RRM1: variants seen among roughly 807,000 people sequenced by gnomAD.
The protein encoded by RRM1 is ribonucleotide reductase catalytic subunit M1.
A neutral mutation model predicts 101.5 loss-of-function variants in RRM1; 19 were observed. That is an observed-to-expected ratio of 0.19 (90% CI 0.13 to 0.27). RRM1 has a LOEUF of 0.27. Ranked by LOEUF, RRM1 falls within the 10% of genes least tolerant of loss-of-function variation. RRM1 has a pLI of 1.00. For synonymous variants in RRM1, 298 were observed against 323.4 expected (o/e 0.92, Z 0.84); for missense variants, 500 against 962.9 (o/e 0.52, Z 6.36).
At chr11:4,099,942 T>TC (rs1465332979) in intron 1 of RRM1, among the ~76,000 whole-genome samples, 2 of 115,316 alleles carry the variant, frequency 1.7e-5, no homozygotes, top group Admixed American at 8.9e-5. Flanking sequence ...CTAAGTTGCT[T>TC]TCCCCCCCCA....
chr11:4,134,126 G>T (rs2094605236), intron 17 of RRM1, among the ~76,000 whole-genome samples: 1 of 151,724 alleles, frequency 6.6e-6, no homozygotes, highest in African/African-American at 2.4e-5. Context: ...GGGATTACAG[G>T]TGCCTGCCAC....
chr11:4,130,086 A>ATATATATATATATATCT (rs1202870487), intron 15 of RRM1, among the ~76,000 whole-genome samples: 1 of 99,484 alleles, frequency 1.0e-5, no homozygotes, highest in African/African-American at 5.4e-5. Context: ...ATATATATAT[A>ATATATATATATATATCT]TTTTTTTTTT....
At chr11:4,135,296 T>TA in intron 18 of RRM1, 26 bp downstream of exon 18, 2 of 1,511,390 alleles carry the variant, frequency 1.3e-6, no homozygotes, top group Non-Finnish European at 1.8e-6. Context: ...CAAGGAGTAC[T>TA]TAATTGCCAG....
At chr11:4,133,707 G>T in intron 17 of RRM1, 49 bp downstream of exon 17, 1 of 1,042,418 alleles carries the variant, frequency 9.6e-7, no homozygotes, top group Non-Finnish European at 1.5e-6. Flanking sequence ...GTTGGACATT[G>T]TGGTACCTCC....
chr11:4,108,596 T>TAAA (rs1341421462), intron 4 of RRM1, among the ~76,000 whole-genome samples: 1 of 23,420 alleles, frequency 4.3e-5, no homozygotes, highest in African/African-American at 1.1e-4. Context: ...AGACTCAGTC[T>TAAA]CAAAAAAAAA....
intron 1 of RRM1, among the ~76,000 whole-genome samples, chr11:4,099,865 CT>C (rs59536861): frequency 0.1 from 14,733 of 146,406 alleles, 1,192 homozygotes; most frequent in African/African-American, 0.23. Context: ...TACCAATGCA[CT>C]TTTTTTTTTT....
chr11:4,122,718 C>G (rs909068032), intron 11 of RRM1, among the ~76,000 whole-genome samples: 23 of 152,042 alleles, frequency 1.5e-4, no homozygotes, highest in Middle Eastern at 3.4e-3. Context: ...AGTAAAAATA[C>G]AAAAATTAGC....
At chr11:4,117,811 G>T (rs765530089) in intron 7 of RRM1, among the ~76,000 whole-genome samples, 3 of 152,200 alleles carry the variant, frequency 2.0e-5, no homozygotes, top group Non-Finnish European at 2.9e-5. Context: ...TAAGGTTCCT[G>T]AGGTGGGGAG....
At chr11:4,130,074 ATATATATATATATTTTT>A (rs1436577491) in intron 15 of RRM1, among the ~76,000 whole-genome samples, 16 of 93,598 alleles carry the variant, frequency 1.7e-4, no homozygotes, top group Non-Finnish European at 7.8e-5. Flanking sequence ...ATTTATATAT[ATATATATATATATTTTT>A]TTTTTTTTTT....
intron 2 of RRM1, among the ~76,000 whole-genome samples, chr11:4,104,343 TA>T (rs2094555680): frequency 6.6e-6 from 1 of 152,368 alleles, no homozygotes; most frequent in South Asian, 2.1e-4. Context: ...TTAAAATAGT[TA>T]CACACGTATG....
At chr11:4,111,746 T>A (rs1430760096) in intron 6 of RRM1, 106 bp downstream of exon 6, 1 of 1,253,454 alleles carries the variant, frequency 8.0e-7, no homozygotes, top group Non-Finnish European at 1.1e-6. Flanking sequence ...AGATAACATT[T>A]TGGACTTTAG....
intron 8 of RRM1, 32 bp downstream of exon 8, chr11:4,118,493 G>A (rs1399487906): frequency 6.2e-7 from 1 of 1,612,514 alleles, no homozygotes; most frequent in Non-Finnish European, 8.5e-7. Flanking sequence ...TTTAAAGGGG[G>A]ATTCAAGTCT....
chr11:4,136,547 T>C (rs570426406), intron 18 of RRM1, among the ~76,000 whole-genome samples: 1 of 151,906 alleles, frequency 6.6e-6, no homozygotes, highest in South Asian at 2.1e-4. Flanking sequence ...TATTTTAATA[T>C]TATTGTTTTA....
chr11:4,126,343 C>T (rs1007253335), intron 12 of RRM1, among the ~76,000 whole-genome samples: 2 of 152,152 alleles, frequency 1.3e-5, no homozygotes, highest in Non-Finnish European at 2.9e-5. Flanking sequence ...TATTGCAGGG[C>T]ACTCATCTAC....
Position 4,106,074 on chromosome 11 carries a change from G to A in RRM1, c.137G>A (p.Gly46Asp), listed in dbSNP as rs919387084. ...PAQITMKVIQ[G>D]LYSGVTTVEL... ...CAGATCACCATGAAAGTAATCCAAG[G>A]CTTGTACAGTGGGGTCACCACAGTG... is the stretch of plus-strand genomic sequence containing the variant. Residue 46 changes from glycine to aspartate, a missense_variant, in exon 3 of 19, where the codon GGC becomes GAC. By Grantham distance (94) the Gly-to-Asp change is moderately conservative (BLOSUM62 -1). This residue lies in a region of RRM1 where 44 missense variants were observed against 119.4 expected (regional missense o/e 0.37). Transcript: ENST00000300738. 1 of 1,613,406 alleles carries A rather than the reference G, an allele frequency of 6.2e-7. No homozygotes were observed. Among genetic ancestry groups the A allele is most frequent in the African/African-American group, 1.3e-5 (1 of 74,830 alleles).
At chr11:4,098,156 CAT>C (rs753148045) in intron 1 of RRM1, among the ~76,000 whole-genome samples, 237 of 152,326 alleles carry the variant, frequency 1.6e-3, no homozygotes, top group Non-Finnish European at 2.6e-3. Context: ...ATTTTACAGA[CAT>C]GTGTATATAT....
At position 4,132,100 on chromosome 11, in the gene RRM1, C is replaced by T. The variant is rs146294502; in HGVS notation, c.1770-186C>T. The stretch of plus-strand genomic sequence containing the variant: ...AAGAGGAGAGTGGGCTATAATAGCA[C>T]CCATACTGTGGAATTGCCTCCCTGT... On this transcript the variant is annotated intron_variant, in intron 15 of 18. Transcript: ENST00000300738. This position sits in a 1 kb window ranked among gnomAD's most constrained non-coding sequence, Gnocchi z 4.1. 7.9e-4 allele frequency among the ~76,000 whole-genome samples: 121 copies of T among 152,244 alleles called. No individual in the cohort carries two copies. The highest frequency in any genetic ancestry group is 1.5e-3 in the Non-Finnish European group (100 of 68,022).
intron 14 of RRM1, 66 bp from the exon 15 acceptor site, chr11:4,129,008 G>GT (rs5789321): frequency 0.35 from 230,536 of 661,550 alleles, 16,367 homozygotes; most frequent in African/African-American, 0.54. Context: ...TCATTTGTGG[G>GT]TTTTTTTTTT....
chr11:4,112,138 T>C (rs1206572196), intron 7 of RRM1, 76 bp downstream of exon 7: 3 of 1,162,620 alleles, frequency 2.6e-6, no homozygotes, highest in African/African-American at 1.5e-5. Context: ...AAAAATAATT[T>C]AATGACCTTT....
Sources: allele counts gnomAD v4.1 joint callset (sites outside exome capture counted in the v4.1 genomes callset), GRCh38; gene constraint gnomAD v4.1.1; regional missense constraint gnomAD v4.1.1; non-coding constraint Gnocchi (gnomAD v3.1); transcripts MANE v1.5; gene names NCBI Gene and HGNC (gene_info 2026-07-23, HGNC 2026-07-21).